The following PTK2 variants were observed in gnomAD, a reference collection of about 807,000 sequenced individuals.
The protein encoded by PTK2 is focal adhesion kinase 1.
PTK2 carries 45 observed loss-of-function variants against 150.1 expected under a neutral mutation model. That is an observed-to-expected ratio of 0.30 (90% CI 0.24 to 0.38). The LOEUF is 0.38. Ranked by LOEUF, PTK2 falls within the 10% of genes least tolerant of loss-of-function variation. The pLI is 1.00. For synonymous variants in PTK2, 432 were observed against 449.2 expected (o/e 0.96, Z 0.48); for missense variants, 919 against 1,307.3 (o/e 0.70, Z 4.58).
intron 30 of PTK2, among the ~76,000 whole-genome samples, chr8:140,666,231 G>A (rs1217891820): frequency 1.3e-5 from 2 of 152,082 alleles, no homozygotes; most frequent in Admixed American, 6.6e-5. Context: ...CCAGCTACTC[G>A]GGAAGCTGAG....
chr8:140,680,708 C>T (rs775572351), intron 27 of PTK2, among the ~76,000 whole-genome samples: 7 of 152,174 alleles, frequency 4.6e-5, no homozygotes, highest in Non-Finnish European at 7.3e-5. Context: ...TTAGGACCAA[C>T]TGCTTTTTAT....
At chr8:140,749,764 G>A (rs1411541115) in intron 17 of PTK2, among the ~76,000 whole-genome samples, 2 of 152,134 alleles carry the variant, frequency 1.3e-5, no homozygotes, top group African/African-American at 2.4e-5. Context: ...GCCTGGTAAA[G>A]CCCTACAGAA....
At chr8:140,814,550 C>T (rs1268004536) in intron 10 of PTK2, among the ~76,000 whole-genome samples, 5 of 152,098 alleles carry the variant, frequency 3.3e-5, no homozygotes, top group Non-Finnish European at 7.4e-5. Flanking sequence ...GAACTAAAAA[C>T]AAAAACCACA....
chr8:140,936,105 G>A (rs2100173530), intron 1 of PTK2, among the ~76,000 whole-genome samples: 1 of 152,244 alleles, frequency 6.6e-6, no homozygotes, highest in African/African-American at 2.4e-5. Context: ...GGCTACAAGT[G>A]AGCTATGATA....
At chr8:140,783,109 C>T (rs1303944782) in intron 14 of PTK2, among the ~76,000 whole-genome samples, 4 of 151,990 alleles carry the variant, frequency 2.6e-5, no homozygotes, top group Non-Finnish European at 5.9e-5. Context: ...GGCATGGTGG[C>T]GCACACCTGT....
At chr8:140,747,809 G>A (rs1248500540) in intron 17 of PTK2, among the ~76,000 whole-genome samples, 1 of 151,326 alleles carries the variant, frequency 6.6e-6, no homozygotes, top group Admixed American at 6.6e-5. Flanking sequence ...AGGAGGAAGT[G>A]AAGGAGAAGA....
At chr8:140,755,258 A>G (rs564170622) in intron 16 of PTK2, among the ~76,000 whole-genome samples, 1 of 152,298 alleles carries the variant, frequency 6.6e-6, no homozygotes, top group African/African-American at 2.4e-5. Flanking sequence ...TTGCCTAATA[A>G]AGAAAAAAAT....
intron 27 of PTK2, 54 bp from the exon 31 acceptor site, chr8:140,675,553 A>C: frequency 7.6e-7 from 1 of 1,320,242 alleles, no homozygotes; most frequent in Non-Finnish European, 1.1e-6. Flanking sequence ...TTGGGCAATG[A>C]CCTCTCTCAC....
At chr8:140,659,456 T>C (rs993722854) in exon 32 of PTK2, 6 of 1,606,474 alleles carry the variant, frequency 3.7e-6, no homozygotes, top group Non-Finnish European at 5.1e-6. Flanking sequence ...GACGTGCTCC[T>C]AGGGGAGGCT....
chr8:140,964,728 G>A (rs911718448), intron 1 of PTK2, among the ~76,000 whole-genome samples: 1 of 151,780 alleles, frequency 6.6e-6, no homozygotes, highest in Non-Finnish European at 1.5e-5. Context: ...TTACTTTTCA[G>A]AACCAAGTAT....
chr8:140,956,710 C>T (rs2100181333), intron 1 of PTK2, among the ~76,000 whole-genome samples: 1 of 152,096 alleles, frequency 6.6e-6, no homozygotes, highest in African/African-American at 2.4e-5. Context: ...ATGATCCTGA[C>T]CTTGTGTGGG....
intron 17 of PTK2, among the ~76,000 whole-genome samples, chr8:140,747,988 G>A (rs1214108337): frequency 6.6e-6 from 1 of 152,108 alleles, no homozygotes; most frequent in East Asian, 1.9e-4. Flanking sequence ...GGGAGGAGGT[G>A]AAATGGGATT....
At chr8:140,834,399 GC>G (rs2100117424) in intron 7 of PTK2, among the ~76,000 whole-genome samples, 1 of 152,190 alleles carries the variant, frequency 6.6e-6, no homozygotes, top group African/African-American at 2.4e-5. Flanking sequence ...ACAGGAGACA[GC>G]TGTATGTTAA....
intron 22 of PTK2, among the ~76,000 whole-genome samples, chr8:140,723,926 A>G (rs146381725): frequency 6.6e-6 from 1 of 152,368 alleles, no homozygotes; most frequent in East Asian, 1.9e-4. Flanking sequence ...CAGTAAAAGG[A>G]CATAAAAACA....
rs571496932 is a variant in PTK2 at position 140,779,569 on chromosome 8, G to C, written c.1177+9905C>G. On this transcript the variant is annotated intron_variant, in intron 14 of 31. Coordinates refer to ENST00000522684, the Ensembl canonical transcript of PTK2. ...GGTATCAGTGCCCTCCAGAGTTTTA[G>C]TTAGAGGAAGGTGACAAAGAGGAAT... is the stretch of plus-strand genomic sequence containing the variant. Among the ~76,000 whole-genome samples, 30 of 152,276 alleles carry C rather than the reference G, an allele frequency of 2.0e-4. No individual in the cohort carries two copies. The South Asian group carries it at 6.2e-3, about 32-fold the overall frequency.
intron 5 of PTK2, among the ~76,000 whole-genome samples, chr8:140,861,809 C>A (rs2100136274): frequency 6.6e-6 from 1 of 152,144 alleles, no homozygotes; most frequent in African/African-American, 2.4e-5. Flanking sequence ...ACTGCATATT[C>A]CTTTAAGCGA....
At chr8:140,686,564 G>C in intron 27 of PTK2, 68 bp downstream of exon 30, 2 of 1,196,732 alleles carry the variant, frequency 1.7e-6, no homozygotes, top group Non-Finnish European at 1.2e-6. Context: ...GATATATTGT[G>C]ACATAAACAC....
chr8:140,710,915 C>G (rs1257975456), intron 23 of PTK2, among the ~76,000 whole-genome samples: 1 of 152,116 alleles, frequency 6.6e-6, no homozygotes, highest in Non-Finnish European at 1.5e-5. Flanking sequence ...GCCTGAACAG[C>G]AGGATTTGTT....
At chr8:140,802,448 G>GA (rs1362190998) in intron 11 of PTK2, among the ~76,000 whole-genome samples, 1 of 151,922 alleles carries the variant, frequency 6.6e-6, no homozygotes, top group African/African-American at 2.4e-5. Context: ...CAAAAAAGCC[G>GA]AAAAAAATCA....
Sources: gnomAD v4.1 joint callset for allele counts (sites outside exome capture counted in the v4.1 genomes callset) on GRCh38, gnomAD v4.1.1 for gene constraint, MANE v1.5 for transcripts, NCBI Gene and HGNC (gene_info 2026-07-23, HGNC 2026-07-21) for gene names.